The following TUB variants were observed in gnomAD, a reference collection of about 807,000 sequenced individuals.
TUB encodes the protein TUB bipartite transcription factor, also known as tubby protein homolog.
TUB carries 33 observed loss-of-function variants against 59.7 expected under a neutral mutation model. That is an observed-to-expected ratio of 0.55 (90% CI 0.42 to 0.74). The LOEUF is 0.74. Ranked by LOEUF, TUB falls within the 30% of genes least tolerant of loss-of-function variation. The pLI is 0.00. For synonymous variants in TUB, 293 were observed against 256.4 expected, an observed-to-expected ratio of 1.14 and a Z score of -1.36; for missense variants, 659 against 672.0, an observed-to-expected ratio of 0.98 and a Z score of 0.21.
At chr11:8,080,724 G>A (rs1943533563), upstream of TUB, among the ~76,000 whole-genome samples, 1 of 152,226 alleles carries the variant, frequency 6.6e-6, no homozygotes, top group South Asian at 2.1e-4. Context: ...CCACTGCTGA[G>A]GAAACACCTC....
At chr11:8,066,953 A>C (rs931168729) in intron 2 of TUB, among the ~76,000 whole-genome samples, 2 of 152,012 alleles carry the variant, frequency 1.3e-5, no homozygotes, top group African/African-American at 4.8e-5. Flanking sequence ...AAATGCACAC[A>C]CATTCACACA....
chr11:8,100,637 C>T (rs367978827), intron 10 of TUB, 36 bp downstream of exon 10: 118 of 1,593,886 alleles, frequency 7.4e-5, no homozygotes, highest in Non-Finnish European at 9.2e-5. Context: ...CTTTCCCCAT[C>T]ATCCTAGTCT....
Position 8,059,389 on chromosome 11 carries a change from G to C in TUB, c.203+19697G>C, listed in dbSNP as rs1250995285. Among the ~76,000 whole-genome samples the C allele has an allele frequency of 4.6e-5, 7 of 152,328 alleles. No individual in the cohort carries two copies. The East Asian group carries it at 1.3e-3, about 29-fold the overall frequency. On this transcript the variant is annotated intron_variant, in intron 2 of 12. Transcript: ENST00000305253. ...ATTGCCCAGCTGAGGCAGGAGCGAG[G>C]CTGGGACAAGAGGAGCTGCTCAGCG...
At chr11:8,072,480 A>G (rs7128057) in intron 2 of TUB, among the ~76,000 whole-genome samples, 12,153 of 152,202 alleles carry the variant, frequency 0.08, 651 homozygotes, top group African/African-American at 0.15. Flanking sequence ...TTCCTTCTGT[A>G]TAATAGCTCC....
At chr11:8,087,670 C>T (rs190387744) in intron 1 of TUB, among the ~76,000 whole-genome samples, 64 of 152,338 alleles carry the variant, frequency 4.2e-4, no homozygotes, top group Admixed American at 1.1e-3. Flanking sequence ...TGTGGCTGAC[C>T]ACGGGGGACA....
chr11:8,038,825 C>T, exon 1 of TUB: 1 of 1,594,694 alleles, frequency 6.3e-7, no homozygotes, highest in Non-Finnish European at 8.5e-7. Flanking sequence ...TCTTACTATG[C>T]AGCCTGAAGT....
rs1400450644 is a variant in TUB at position 8,100,995 on chromosome 11, A to G, written c.1385A>G (p.Asp462Gly). ...VKNFQIIHGNDPDYIVMQFGR... is the reference protein window; with the variant it reads ...VKNFQIIHGNGPDYIVMQFGR... Reference sequence around the variant, plus strand: ...AACTTCCAGATCATCCATGGCAATGACCGTGAGTGTTTCTGTCCCTACTCA... The same window carrying G: ...AACTTCCAGATCATCCATGGCAATGGCCGTGAGTGTTTCTGTCCCTACTCA... The change falls in exon 11 of 12, where the codon GAC becomes GGC. Residue 462 changes from aspartate to glycine, a missense_variant and splice_region_variant. Coordinates refer to ENST00000299506, the MANE Select transcript of TUB (RefSeq NM_177972.3). 1.3e-5 allele frequency: 21 copies of G among 1,614,030 alleles called. No individual in the cohort carries two copies. Among genetic ancestry groups the G allele is most frequent in the Non-Finnish European group, 1.8e-5 (21 of 1,180,034 alleles).
exon 1 of TUB, chr11:8,038,711 T>G: frequency 6.8e-7 from 1 of 1,473,316 alleles, no homozygotes; most frequent in Non-Finnish European, 9.0e-7. Flanking sequence ...AATTAATGGG[T>G]GATGGTGGTT....
At chr11:8,079,929 C>G (rs1408476794), upstream of TUB, among the ~76,000 whole-genome samples, 1 of 152,150 alleles carries the variant, frequency 6.6e-6, no homozygotes, top group East Asian at 1.9e-4. Flanking sequence ...GAGGATTAAA[C>G]GAATTATAAT....
At chr11:8,061,328 G>A (rs754828417) in intron 2 of TUB, among the ~76,000 whole-genome samples, 3 of 152,204 alleles carry the variant, frequency 2.0e-5, no homozygotes, top group Non-Finnish European at 2.9e-5. Flanking sequence ...AGTAAACTGA[G>A]GCAAGCCTGG....
At chr11:8,091,126 T>C (rs1943763098) in intron 3 of TUB, among the ~76,000 whole-genome samples, 1 of 152,218 alleles carries the variant, frequency 6.6e-6, no homozygotes, top group Non-Finnish European at 1.5e-5. Flanking sequence ...ATCGAACTAC[T>C]GGTAGTTGCC....
chr11:8,019,342 C>T, exon 1 of TUB: 2 of 1,278,212 alleles, frequency 1.6e-6, no homozygotes, highest in Non-Finnish European at 2.0e-6. Context: ...GTCTTACAGC[C>T]GCTGGAGCTA....
chr11:8,093,415 C>T (rs1040917264), intron 3 of TUB, among the ~76,000 whole-genome samples: 3 of 152,136 alleles, frequency 2.0e-5, no homozygotes, highest in Non-Finnish European at 4.4e-5. Context: ...GAATGTTGGT[C>T]TTCAGCTTAA....
chr11:8,100,548 A>G lies in TUB; in HGVS notation c.1162A>G (p.Ile388Val), dbSNP rs1423624350. The G allele has an allele frequency of 1.2e-6, 2 of 1,614,050 alleles. No individual in the cohort carries two copies. Among genetic ancestry groups the G allele is most frequent in the East Asian group, 2.2e-5 (1 of 44,870 alleles). The part of the protein sequence containing the change: ...GFKGPRKMSV[I>V]VPGMNMVHER... The stretch of plus-strand genomic sequence containing the variant: ...CAAGGGGCCTCGGAAGATGAGCGTG[A>G]TTGTCCCAGGCATGAACATGGTTCA... The change falls in exon 10 of 12, where the codon ATT becomes GTT. Residue 388 changes from isoleucine to valine, a missense_variant. By Grantham distance (29) the Ile-to-Val change is conservative. Around this residue, in one of 3 missense-constraint regions of TUB, gnomAD observed 226 missense variants for 210.8 expected, o/e 1.07. Coordinates refer to ENST00000299506, the MANE Select transcript of TUB (RefSeq NM_177972.3).
chr11:8,049,165 T>C (rs1241240676), intron 2 of TUB, among the ~76,000 whole-genome samples: 3 of 152,150 alleles, frequency 2.0e-5, no homozygotes, highest in African/African-American at 7.2e-5. Context: ...CTTGCCCTTC[T>C]AGGAAGCTAC....
Position 8,097,352 on chromosome 11 carries a change from G to A in TUB, c.812G>A (p.Arg271Gln). Reference protein sequence around the residue: ...QGITIKCRITRDKKGMDRGMY... With the variant: ...QGITIKCRITQDKKGMDRGMY... ...ATCACCATCAAATGCCGCATCACTC[G>A]GGACAAGAAAGGGATGGACCGGGGC... The change falls in exon 7 of 12, where the codon CGG becomes CAG. Residue 271 changes from arginine (R) to glutamine (Q), a missense_variant. Arg to Gln is a conservative substitution (Grantham distance 43). This residue lies in a region of TUB where 112 missense variants were observed against 156.9 expected (regional missense o/e 0.71). Coordinates refer to ENST00000299506, the MANE Select transcript of TUB (RefSeq NM_177972.3). 3 of 1,614,170 alleles carry A rather than the reference G, an allele frequency of 1.9e-6. No individual in the cohort carries two copies. The highest frequency in any genetic ancestry group is 2.2e-5 in the East Asian group (1 of 44,876).
rs539808726 is a variant in TUB, at chr11:8,026,874, C to T, written c.56+7516C>T. Among the ~76,000 whole-genome samples the T allele has an allele frequency of 2.0e-5, 3 of 152,218 alleles. No individual in the cohort carries two copies. In the East Asian group the frequency reaches 5.8e-4, roughly 29 times the overall value. On this transcript the variant is annotated intron_variant, in intron 1 of 11. Transcript: ENST00000534099. ...AGAGTTACATCTTAGTAACATCGGG[C>T]CTTCCAATTCATGAACATGGTATCT...
At chr11:8,099,694 G>T (rs1351565060) in intron 9 of TUB, among the ~76,000 whole-genome samples, 1 of 152,208 alleles carries the variant, frequency 6.6e-6, no homozygotes, top group Non-Finnish European at 1.5e-5. Flanking sequence ...TAAACACTAA[G>T]AAGAAAAAGT....
chr11:8,031,649 A>G (rs771340427), intron 1 of TUB, among the ~76,000 whole-genome samples: 1 of 152,206 alleles, frequency 6.6e-6, no homozygotes, highest in South Asian at 2.1e-4. Context: ...CCTCGATACC[A>G]TCTTCCTTGG....
Sources: gnomAD v4.1 joint callset for allele counts (sites outside exome capture counted in the v4.1 genomes callset) on GRCh38, gnomAD v4.1.1 for gene constraint, gnomAD v4.1.1 regional missense constraint, MANE v1.5 for transcripts, NCBI Gene and HGNC (gene_info 2026-07-23, HGNC 2026-07-21) for gene names.